The following CFAP276 variants were observed in gnomAD, a reference collection of about 807,000 sequenced individuals.
The protein encoded by CFAP276 is cilia and flagella associated protein 276.
At chr1:109,107,947 G>A in the CFAP276 span, 48 of 1,607,684 alleles carry the variant, frequency 3.0e-5, no homozygotes, top group Middle Eastern at 1.7e-4. Context: ...TAGGCATCCC[G>A]CCTCATGGAA....
chr1:109,112,016 AG>A, the CFAP276 span, among the ~76,000 whole-genome samples: 1 of 152,180 alleles, frequency 6.6e-6, no homozygotes, highest in Non-Finnish European at 1.5e-5. Context: ...ATAAATAAAA[AG>A]GGGCTCTCAA....
the CFAP276 span, chr1:109,113,687 C>T: frequency 6.2e-7 from 1 of 1,614,110 alleles, no homozygotes; most frequent in South Asian, 1.1e-5. Context: ...TCTTCTTTCT[C>T]TCGGTTCACA....
At chr1:109,113,587 G>T in the CFAP276 span, 4 of 1,596,778 alleles carry the variant, frequency 2.5e-6, no homozygotes, top group Non-Finnish European at 3.4e-6. Context: ...GGATTTGGCG[G>T]GATGTAAGAT....
chr1:109,113,219 G>A, the CFAP276 span, among the ~76,000 whole-genome samples: 1 of 151,858 alleles, frequency 6.6e-6, no homozygotes, highest in Admixed American at 6.6e-5. Context: ...GCGAAACCCC[G>A]TCTCTACAAA....
the CFAP276 span, chr1:109,107,251 C>T: frequency 2.0e-5 from 14 of 687,348 alleles, no homozygotes; most frequent in South Asian, 1.6e-4. Flanking sequence ...CCACCAACTC[C>T]GTACACACTA....
At chr1:109,107,864 A>T in the CFAP276 span, 1 of 954,746 alleles carries the variant, frequency 1.0e-6, no homozygotes, top group Non-Finnish European at 1.5e-6. Context: ...GGTGACAGGA[A>T]AAAAAAAAAA....
the CFAP276 span, among the ~76,000 whole-genome samples, chr1:109,110,612 C>T: frequency 6.6e-6 from 1 of 152,214 alleles, no homozygotes; most frequent in Admixed American, 6.5e-5. Context: ...CAGTGCTATT[C>T]TCCAAGGGTC....
At chr1:109,106,503 C>G in the CFAP276 span, 9 of 1,608,988 alleles carry the variant, frequency 5.6e-6, no homozygotes, top group Admixed American at 1.2e-4. Context: ...CCCCCACTGC[C>G]CCATCTGCTT....
At chr1:109,113,371 C>A in the CFAP276 span, among the ~76,000 whole-genome samples, 1 of 128,182 alleles carries the variant, frequency 7.8e-6, no homozygotes. Context: ...CCAGTGTGGG[C>A]GAGAGAGTGA....
At chr1:109,107,088 G>A in the CFAP276 span, 3 of 1,614,134 alleles carry the variant, frequency 1.9e-6, no homozygotes, top group Non-Finnish European at 2.5e-6. Context: ...GTTGTACAAG[G>A]CTGCTAAGCG....
At chr1:109,107,821 T>G in the CFAP276 span, 1 of 961,874 alleles carries the variant, frequency 1.0e-6, no homozygotes. Flanking sequence ...CAGGCTACGG[T>G]AAACCATGAT....
the CFAP276 span, chr1:109,113,652 C>A: frequency 7.4e-6 from 12 of 1,614,024 alleles, no homozygotes; most frequent in South Asian, 1.2e-4. Context: ...TTCCAGGCGA[C>A]GACGTCTGGA....
At chr1:109,106,721 G>A in the CFAP276 span, 11 of 1,552,284 alleles carry the variant, frequency 7.1e-6, no homozygotes, top group Non-Finnish European at 7.9e-6. Flanking sequence ...GGTGAGGAAG[G>A]CAAGGTAGTT....
At chr1:109,112,816 C>G in the CFAP276 span, 7 of 1,388,406 alleles carry the variant, frequency 5.0e-6, no homozygotes, top group Non-Finnish European at 6.7e-6. Context: ...CCATCTATGA[C>G]AGAGGAATTC....
the CFAP276 span, chr1:109,112,540 C>T: frequency 6.5e-7 from 1 of 1,543,988 alleles, no homozygotes; most frequent in African/African-American, 1.4e-5. Flanking sequence ...GCTCATCACA[C>T]AGACAGAAAG....
the CFAP276 span, chr1:109,106,136 A>G: frequency 5.8e-6 from 9 of 1,554,290 alleles, no homozygotes; most frequent in Non-Finnish European, 8.0e-6. Context: ...ACTGAATTTC[A>G]GATCGTTGGC....
chr1:109,108,844 C>T, the CFAP276 span, among the ~76,000 whole-genome samples: 1 of 151,878 alleles, frequency 6.6e-6, no homozygotes, highest in Non-Finnish European at 1.5e-5. Flanking sequence ...GTGAGGAGGG[C>T]CCTAGAGAAG....
At chr1:109,106,838 A>G in the CFAP276 span, 2 of 896,538 alleles carry the variant, frequency 2.2e-6, no homozygotes, top group East Asian at 2.6e-5. Context: ...ATTTCTGTTC[A>G]TCTTAGACAG....
At chr1:109,108,041 C>G in the CFAP276 span, 1 of 1,448,316 alleles carries the variant, frequency 6.9e-7, no homozygotes, top group Non-Finnish European at 9.7e-7. Flanking sequence ...GCAATTTCTG[C>G]AAAAGAGAAA....
Sources: gnomAD v4.1 joint callset for allele counts (sites outside exome capture counted in the v4.1 genomes callset) on GRCh38, gnomAD v4.1.1 for gene constraint, MANE v1.5 for transcripts, NCBI Gene and HGNC (gene_info 2026-07-23, HGNC 2026-07-21) for gene names.